Variants in UPP2 observed in about 807,000 individuals in gnomAD.
UPP2 encodes the protein UPase 2.
Under a neutral mutation model 26.7 loss-of-function variants are expected in UPP2, and 23 were observed. The observed-to-expected ratio is 0.86, with a 90% confidence interval of 0.62 to 1.22. The LOEUF (loss-of-function observed/expected upper bound fraction) is 1.22, where lower values mean the gene tolerates loss of function less well. UPP2 is among the 50% of genes most tolerant of loss of function. The pLI, the probability that UPP2 is intolerant of heterozygous loss-of-function variation, is 0.00. For synonymous variants in UPP2, 127 were observed against 141.3 expected, an observed-to-expected ratio of 0.90 and a Z score of 0.72; for missense variants, 387 against 396.7, an observed-to-expected ratio of 0.98 and a Z score of 0.21.
chr2:158,055,624 A>C (rs1386206276), intron 3 of UPP2, among the ~76,000 whole-genome samples: 1 of 152,188 alleles, frequency 6.6e-6, no homozygotes, highest in Admixed American at 6.5e-5. Flanking sequence ...AATTTTTGAA[A>C]GTTGTGATAT....
intron 3 of UPP2, among the ~76,000 whole-genome samples, chr2:158,051,617 C>T (rs1682160218): frequency 1.3e-5 from 2 of 152,048 alleles, no homozygotes; most frequent in South Asian, 4.2e-4. Context: ...CCCATCTCTA[C>T]TAAAAGTACA....
intron 2 of UPP2, among the ~76,000 whole-genome samples, chr2:158,006,722 C>T (rs740551): frequency 0.069 from 10,514 of 152,198 alleles, 1,233 homozygotes; most frequent in African/African-American, 0.24. Context: ...CTCCAGTGGG[C>T]GTCTTCCTAG....
At chr2:158,067,549 G>A (rs1332086845) in intron 3 of UPP2, among the ~76,000 whole-genome samples, 1 of 152,098 alleles carries the variant, frequency 6.6e-6, no homozygotes, top group Non-Finnish European at 1.5e-5. Flanking sequence ...GTGCATCAGG[G>A]ATTGGAAAAC....
At chr2:158,122,363 T>TTAAAACA (rs1553470867) in intron 5 of UPP2, among the ~76,000 whole-genome samples, 10 of 152,106 alleles carry the variant, frequency 6.6e-5, no homozygotes, top group Non-Finnish European at 1.3e-4. Flanking sequence ...TTAAGATATA[T>TTAAAACA]TGAATTTTAA....
chr2:158,100,225 C>A (rs1174051824), upstream of UPP2, among the ~76,000 whole-genome samples: 1 of 152,202 alleles, frequency 6.6e-6, no homozygotes, highest in Non-Finnish European at 1.5e-5. Flanking sequence ...ATCCAAATGA[C>A]AATTACTTGC....
intron 3 of UPP2, among the ~76,000 whole-genome samples, chr2:158,017,269 G>T (rs1400734663): frequency 6.6e-6 from 1 of 152,022 alleles, no homozygotes; most frequent in Non-Finnish European, 1.5e-5. Context: ...TATGGAGTGT[G>T]TCCTAACTTT....
chr2:158,124,137 T>C (rs1173830457), intron 6 of UPP2, among the ~76,000 whole-genome samples: 1 of 152,224 alleles, frequency 6.6e-6, no homozygotes, highest in Non-Finnish European at 1.5e-5. Context: ...GTTCAGGGCT[T>C]GACAGCAAGT....
intron 2 of UPP2, among the ~76,000 whole-genome samples, chr2:158,002,387 T>G (rs961064103): frequency 6.6e-6 from 1 of 152,216 alleles, no homozygotes; most frequent in African/African-American, 2.4e-5. Context: ...CTACCCATTA[T>G]CACAGTTAGA....
chr2:158,080,871 T>C (rs569591452), intron 3 of UPP2, among the ~76,000 whole-genome samples: 1 of 152,290 alleles, frequency 6.6e-6, no homozygotes, highest in East Asian at 1.9e-4. Flanking sequence ...CTGAACAGGC[T>C]CTGGAGAGAG....
chr2:158,110,662 C>T (rs1438919894), intron 2 of UPP2, among the ~76,000 whole-genome samples: 1 of 152,172 alleles, frequency 6.6e-6, no homozygotes, highest in Admixed American at 6.5e-5. Flanking sequence ...TTCTCCACAT[C>T]CTCTCCAGCA....
intron 3 of UPP2, among the ~76,000 whole-genome samples, chr2:158,072,031 C>T (rs1682550821): frequency 6.6e-6 from 1 of 152,146 alleles, no homozygotes; most frequent in South Asian, 2.1e-4. Context: ...CTCTTGGGGA[C>T]CCTGAGTCTA....
intron 3 of UPP2, among the ~76,000 whole-genome samples, chr2:158,062,506 G>A (rs528556099): frequency 2.4e-5 from 3 of 123,888 alleles, no homozygotes; most frequent in African/African-American, 9.3e-5. Flanking sequence ...GCACAGTGGG[G>A]AAAACATGCT....
intron 3 of UPP2, among the ~76,000 whole-genome samples, chr2:158,048,856 G>T (rs1682100837): frequency 6.6e-6 from 1 of 152,210 alleles, no homozygotes; most frequent in Non-Finnish European, 1.5e-5. Flanking sequence ...CTAGAGGGGT[G>T]TTTAGACATA....
chr2:158,091,762 T>C (rs766441312), intron 3 of UPP2, among the ~76,000 whole-genome samples: 1 of 152,078 alleles, frequency 6.6e-6, no homozygotes, highest in Non-Finnish European at 1.5e-5. Flanking sequence ...ATGCTTCTCT[T>C]CCTCCAGCAG....
intron 3 of UPP2, among the ~76,000 whole-genome samples, chr2:158,068,783 TATATATATATATATATATA>T (rs1348454019): frequency 4.4e-4 from 5 of 11,406 alleles, no homozygotes; most frequent in African/African-American, 6.8e-4. Flanking sequence ...TATATATATA[TATATATATATATATATATA>T]TTTTTTTTTT....
chr2:158,007,566 G>A (rs1444499388), intron 2 of UPP2, among the ~76,000 whole-genome samples: 2 of 151,876 alleles, frequency 1.3e-5, no homozygotes, highest in Non-Finnish European at 2.9e-5. Context: ...ACACCGGCCA[G>A]TTCCTTGTTC....
At chr2:158,031,232 A>G (rs1383541429) in intron 3 of UPP2, among the ~76,000 whole-genome samples, 1 of 152,124 alleles carries the variant, frequency 6.6e-6, no homozygotes, top group East Asian at 1.9e-4. Context: ...TTAGGTTCAT[A>G]GATTTTGGAG....
In UPP2 at chr2:158,129,762, T is replaced by C. The variant is rs188277823; in HGVS notation, c.812-4986T>C. Among the ~76,000 whole-genome samples the C allele has an allele frequency of 4.0e-5, 6 of 149,426 alleles. No individual in the cohort carries two copies. In the East Asian group the frequency reaches 1.2e-3, roughly 31 times the overall value. On this transcript the variant is annotated intron_variant, in intron 6 of 6. Coordinates refer to ENST00000005756, the MANE Select transcript of UPP2 (RefSeq NM_173355.4). The stretch of plus-strand genomic sequence containing the variant: ...ATTTAAGGAAATAGATAGGAAGGTT[T>C]TTTTTTGTTTGTTTTTTTTTTGAGA...
chr2:158,011,318 A>C (rs1261373865), intron 2 of UPP2, among the ~76,000 whole-genome samples: 16 of 152,210 alleles, frequency 1.1e-4, no homozygotes, highest in Non-Finnish European at 2.2e-4. Flanking sequence ...AGGGTTCTGA[A>C]TGCCAGCAGG....
Sources: allele counts gnomAD v4.1 joint callset (sites outside exome capture counted in the v4.1 genomes callset), GRCh38; gene constraint gnomAD v4.1.1; transcripts MANE v1.5; gene names NCBI Gene and HGNC (gene_info 2026-07-23, HGNC 2026-07-21).